HSPA12A: variants seen among roughly 807,000 people sequenced by gnomAD.
HSPA12A encodes heat shock 70 kDa protein 12A.
In HSPA12A, 28 loss-of-function variants were observed where a neutral mutation model predicts 69.2. The ratio of observed to expected loss-of-function variants is 0.40; its 90% CI spans 0.30 to 0.55. The LOEUF is 0.55. Among genes scored for constraint, HSPA12A ranks in the 20% least tolerant of loss-of-function variants. The pLI is 0.38. For missense variants in HSPA12A, 686 were observed against 900.7 expected (o/e 0.76, Z 3.05); for synonymous variants, 345 against 370.5 (o/e 0.93, Z 0.79).
rs1297257183 is a variant in HSPA12A at position 116,723,427 on chromosome 10, G to A, written c.41-16142C>T. 2.6e-5 allele frequency among the ~76,000 whole-genome samples: 4 copies of A among 152,182 alleles called. No individual in the cohort carries two copies. The highest frequency in any genetic ancestry group is 5.9e-5 in the Non-Finnish European group (4 of 68,016). On this transcript the variant is annotated intron_variant, in intron 1 of 11. Coordinates refer to ENST00000369209, the MANE Select transcript of HSPA12A (RefSeq NM_025015.3). The surrounding 1 kb of genome is among the most constrained non-coding windows in gnomAD (Gnocchi z 4.1). ...TGTTCTTCCAGGGGCAGGGGACGGG[G>A]CTGAGGACCCCGAATGAGCTGGGTT...
chr10:116,750,185 G>A, intron 2 of HSPA12A: 2 of 645,006 alleles, frequency 3.1e-6, no homozygotes, highest in Non-Finnish European at 5.7e-6. Context: ...GACAAATTAT[G>A]CTGCGGCACA....
At chr10:116,770,030 A>C (rs1328170380) in intron 2 of HSPA12A, among the ~76,000 whole-genome samples, 7 of 152,196 alleles carry the variant, frequency 4.6e-5, no homozygotes, top group African/African-American at 1.7e-4. Context: ...CCTCTGACTC[A>C]GAGCAGAATG....
chr10:116,840,000 T>C (rs1409082964), intron 1 of HSPA12A, among the ~76,000 whole-genome samples: 1 of 152,014 alleles, frequency 6.6e-6, no homozygotes, highest in African/African-American at 2.4e-5. Context: ...CAAGACAGCA[T>C]ACATACGGAC....
chr10:116,798,055 G>C (rs1426741099), intron 2 of HSPA12A, among the ~76,000 whole-genome samples: 1 of 33,976 alleles, frequency 2.9e-5, no homozygotes, highest in African/African-American at 4.9e-5. Flanking sequence ...TTTCTGGAGA[G>C]AGGCAGGGGC....
intron 2 of HSPA12A, among the ~76,000 whole-genome samples, chr10:116,803,837 C>G (rs1166397374): frequency 6.6e-6 from 1 of 152,224 alleles, no homozygotes; most frequent in Non-Finnish European, 1.5e-5. Flanking sequence ...CATAATGTTT[C>G]ATACAAATAG....
Position 116,706,817 on chromosome 10 carries a change from C to T in HSPA12A, c.126+383G>A, listed in dbSNP as rs141979725. On this transcript the variant is annotated intron_variant, in intron 2 of 11. Transcript: ENST00000369209. ...TGCAGACAACCGCAGTCAACAGAGT[C>T]CATGTATTCACCGATTCACTAGCCC... Among the ~76,000 whole-genome samples, 997 of 152,292 alleles carry T rather than the reference C, an allele frequency of 6.5e-3. 12 individuals are homozygous for T. The highest frequency in any genetic ancestry group is 0.023 in the African/African-American group (948 of 41,556).
chr10:116,840,048 T>C (rs1845780453), intron 1 of HSPA12A, among the ~76,000 whole-genome samples: 1 of 152,036 alleles, frequency 6.6e-6, no homozygotes, highest in Non-Finnish European at 1.5e-5. Context: ...ACAAAACACA[T>C]GGTGATTTTT....
At chr10:116,703,776 C>T (rs1306034521) in intron 3 of HSPA12A, among the ~76,000 whole-genome samples, 1 of 152,174 alleles carries the variant, frequency 6.6e-6, no homozygotes, top group Admixed American at 6.5e-5. Flanking sequence ...CACCCGGGGC[C>T]TGCAGGGTGC....
chr10:116,697,761 TTG>T (rs1554881050), intron 5 of HSPA12A, among the ~76,000 whole-genome samples: 3 of 152,036 alleles, frequency 2.0e-5, no homozygotes, highest in East Asian at 1.9e-4. Flanking sequence ...ATTCACAAGG[TTG>T]TGCGCCCAAC....
At chr10:116,708,732 G>A (rs552148732) in intron 1 of HSPA12A, among the ~76,000 whole-genome samples, 1 of 152,248 alleles carries the variant, frequency 6.6e-6, no homozygotes, top group South Asian at 2.1e-4. Flanking sequence ...TAAAGGACTT[G>A]AATAGACATT....
At chr10:116,745,045 G>A (rs567483031), upstream of HSPA12A, among the ~76,000 whole-genome samples, 21 of 152,210 alleles carry the variant, frequency 1.4e-4, no homozygotes, top group Admixed American at 1.3e-3. Context: ...CCCCACCTGG[G>A]GGGTCACTCC....
intron 2 of HSPA12A, among the ~76,000 whole-genome samples, chr10:116,803,983 C>T (rs1589716346): frequency 6.6e-6 from 1 of 152,128 alleles, no homozygotes; most frequent in Non-Finnish European, 1.5e-5. Flanking sequence ...CCTAAGTACA[C>T]GGAGAAGCAA....
chr10:116,724,983 C>T (rs35500113), intron 1 of HSPA12A, among the ~76,000 whole-genome samples: 2,525 of 152,298 alleles, frequency 0.017, 32 homozygotes, highest in Middle Eastern at 0.041. Context: ...TTCTCAGCTC[C>T]GTCCCCCAGA....
At chr10:116,799,223 G>A (rs532396065) in intron 2 of HSPA12A, among the ~76,000 whole-genome samples, 55 of 152,246 alleles carry the variant, frequency 3.6e-4, no homozygotes, top group African/African-American at 1.0e-3. Context: ...ACAGAGCCAC[G>A]TACACAGCTC....
At chr10:116,845,250 T>C (rs1845860780) in intron 1 of HSPA12A, among the ~76,000 whole-genome samples, 1 of 152,182 alleles carries the variant, frequency 6.6e-6, no homozygotes, top group Non-Finnish European at 1.5e-5. Context: ...TTATAGTTAT[T>C]ATATATAACT....
At chr10:116,683,638 G>A in intron 7 of HSPA12A, 153 bp downstream of exon 7, 2 of 627,480 alleles carry the variant, frequency 3.2e-6, no homozygotes, top group African/African-American at 1.9e-5. Flanking sequence ...AGGTAGGGGG[G>A]CTGAGCAGAG....
chr10:116,701,836 C>G (rs1320824520), intron 3 of HSPA12A, among the ~76,000 whole-genome samples: 2 of 152,106 alleles, frequency 1.3e-5, no homozygotes, highest in Non-Finnish European at 2.9e-5. Flanking sequence ...TGAGGAGAAC[C>G]CTGGGGACTT....
upstream of HSPA12A, among the ~76,000 whole-genome samples, chr10:116,746,128 C>T (rs546506227): frequency 1.1e-4 from 16 of 152,176 alleles, no homozygotes; most frequent in Non-Finnish European, 1.9e-4. Flanking sequence ...TCATCCTCTC[C>T]GGGATCCCGT....
In HSPA12A at chr10:116,815,920, C is replaced by T. The variant is rs183175991; in HGVS notation, c.91+19015G>A. On this transcript the variant is annotated intron_variant, in intron 2 of 12. Coordinates refer to the HSPA12A transcript ENST00000635765. ...TTTCTGCTCTCCCTCTCGGCCCCCGCGGCCCTAAGAGGAAGGAGCCGGGCT... is the reference window on the plus strand; with the variant it reads ...TTTCTGCTCTCCCTCTCGGCCCCCGTGGCCCTAAGAGGAAGGAGCCGGGCT... 2.1e-3 allele frequency among the ~76,000 whole-genome samples: 314 copies of T among 152,334 alleles called. 1 individual carries two copies. The highest frequency in any genetic ancestry group is 3.4e-3 in the Middle Eastern group (1 of 294).
Sources: allele counts gnomAD v4.1 joint callset (sites outside exome capture counted in the v4.1 genomes callset), GRCh38; gene constraint gnomAD v4.1.1; non-coding constraint Gnocchi (gnomAD v3.1); transcripts MANE v1.5; gene names NCBI Gene and HGNC (gene_info 2026-07-23, HGNC 2026-07-21).